The following CIB1 variants were observed in gnomAD, a reference collection of about 807,000 sequenced individuals.
The protein encoded by CIB1 is calcium and integrin-binding protein 1.
In CIB1, 19 loss-of-function variants were observed where a neutral mutation model predicts 25.0. The observed-to-expected ratio is 0.76, with a 90% CI of 0.53 to 1.12. The LOEUF (loss-of-function observed/expected upper bound fraction) is 1.12, where lower values mean the gene tolerates loss of function less well. Ranked by LOEUF, CIB1 falls within the 50% of genes most tolerant of loss-of-function variation. CIB1 has a pLI of 0.00. For missense variants in CIB1, 236 were observed against 242.6 expected (o/e 0.97, Z 0.18); for synonymous variants, 104 against 98.5 (o/e 1.06, Z -0.33).
At chr15:90,256,554 TTTCTTTC>T in the CIB1 span, among the ~76,000 whole-genome samples, 1 of 32,558 alleles carries the variant, frequency 3.1e-5, no homozygotes, top group East Asian at 8.6e-4. Context: ...TTTTTCTTTC[TTTCTTTC>T]TTTCTTTCTT....
chr15:90,245,064 T>C, the CIB1 span: 1 of 152,262 alleles, frequency 6.6e-6, no homozygotes, highest in African/African-American at 2.4e-5. Context: ...TGGCTCCCTA[T>C]ACCTAGGCCT....
At chr15:90,261,451 A>C in the CIB1 span, among the ~76,000 whole-genome samples, 2 of 151,886 alleles carry the variant, frequency 1.3e-5, no homozygotes, top group Admixed American at 1.3e-4. Flanking sequence ...AAACCTAAAA[A>C]ACTATGATAA....
At chr15:90,259,147 G>A in the CIB1 span, 1 of 1,043,878 alleles carries the variant, frequency 9.6e-7, no homozygotes, top group Non-Finnish European at 1.3e-6. Context: ...AGGATTGCTT[G>A]AGCCCTAGAG....
At chr15:90,257,894 C>A in the CIB1 span, 2 of 938,246 alleles carry the variant, frequency 2.1e-6, no homozygotes, top group Non-Finnish European at 3.2e-6. Flanking sequence ...CAAACCTCAC[C>A]CTGATAACTA....
At chr15:90,242,253 CTTTTTTTTTTTTTTT>C in the CIB1 span, 2 of 89,310 alleles carry the variant, frequency 2.2e-5, no homozygotes, top group South Asian at 3.6e-4. Flanking sequence ...ACACACCTGG[CTTTTTTTTTTTTTTT>C]TTTTTTTTTT....
Position 90,230,965 on chromosome 15 carries a change from G to A in CIB1, c.523C>T (p.His175Tyr). Residue 175 changes from histidine (H) to tyrosine (Y), a missense_variant, in exon 6 of 7, where the codon CAC becomes TAC. His to Tyr is a moderately conservative substitution (Grantham distance 83, BLOSUM62 2). Transcript: ENST00000328649. ...DGTINLSEFQ[H>Y]VISRSPDFAS... ...AAGTCTGGAGAACGGGAGATGACGT[G>A]CTGGAACTCAGAGAGGTTGATGGTT... 6.2e-7 allele frequency: 1 copy of A among 1,614,114 alleles called. No homozygotes were observed. Among genetic ancestry groups the A allele is most frequent in the South Asian group, 1.1e-5 (1 of 91,082 alleles).
chr15:90,236,629 G>T (rs984143617), upstream of CIB1, among the ~76,000 whole-genome samples: 1 of 150,666 alleles, frequency 6.6e-6, no homozygotes, highest in Admixed American at 6.6e-5. Flanking sequence ...TGCCTCCCAG[G>T]TTCACCTGAT....
At chr15:90,262,995 G>T in the CIB1 span, 2 of 1,536,066 alleles carry the variant, frequency 1.3e-6, no homozygotes, top group Middle Eastern at 1.7e-4. Context: ...ACACCATGAG[G>T]CCTCAAGAAA....
the CIB1 span, among the ~76,000 whole-genome samples, chr15:90,256,549 CTT>C: frequency 1.6e-4 from 4 of 24,468 alleles, no homozygotes; most frequent in South Asian, 2.0e-3. Context: ...CTTCCTTTTT[CTT>C]TCTTTCTTTC....
chr15:90,256,876 C>T, the CIB1 span, among the ~76,000 whole-genome samples: 54 of 151,806 alleles, frequency 3.6e-4, no homozygotes, highest in South Asian at 6.2e-4. Flanking sequence ...TTAGTAGAGA[C>T]GGGGTTTCAC....
chr15:90,255,630 A>T, the CIB1 span: 3 of 1,388,934 alleles, frequency 2.2e-6, no homozygotes, highest in Non-Finnish European at 3.0e-6. Flanking sequence ...TCCTTGGTGC[A>T]GTGCTTACCT....
At chr15:90,232,089 A>G (rs1017321046) in intron 3 of CIB1, 130 bp downstream of exon 3, 43 of 712,864 alleles carry the variant, frequency 6.0e-5, no homozygotes, top group Middle Eastern at 7.7e-4. Flanking sequence ...AGAAAATCAG[A>G]ACTAAGCAGA....
intron 2 of CIB1, 177 bp from the exon 3 acceptor site, chr15:90,232,504 TAG>T (rs1392921743): frequency 1.0e-6 from 1 of 973,050 alleles, no homozygotes. Flanking sequence ...CAGTACAGCC[TAG>T]GAGTCTATTC....
upstream of CIB1, chr15:90,238,589 A>ATAG (rs1193082877): frequency 1.3e-5 from 2 of 152,128 alleles, no homozygotes; most frequent in African/African-American, 4.8e-5. Context: ...CCAGTGGCAG[A>ATAG]CCCCTCTCCC....
chr15:90,259,799 G>T, the CIB1 span, among the ~76,000 whole-genome samples: 1 of 152,230 alleles, frequency 6.6e-6, no homozygotes, highest in Non-Finnish European at 1.5e-5. Context: ...TTACATCCGT[G>T]TTGGTCACCC....
At chr15:90,252,616 A>C in the CIB1 span, among the ~76,000 whole-genome samples, 1 of 152,178 alleles carries the variant, frequency 6.6e-6, no homozygotes, top group Non-Finnish European at 1.5e-5. Context: ...GCATCTTTAT[A>C]AGGAACCACA....
chr15:90,236,624 C>A (rs1355074791), upstream of CIB1, among the ~76,000 whole-genome samples: 2 of 152,006 alleles, frequency 1.3e-5, no homozygotes, highest in Non-Finnish European at 2.9e-5. Flanking sequence ...ACCTCTGCCT[C>A]CCAGGTTCAC....
the CIB1 span, chr15:90,258,686 G>A: frequency 1.4e-6 from 2 of 1,430,940 alleles, no homozygotes; most frequent in South Asian, 2.3e-5. Context: ...GCCTGCAAGA[G>A]GCCACCACCT....
chr15:90,239,629 G>A, the CIB1 span, among the ~76,000 whole-genome samples: 1 of 152,100 alleles, frequency 6.6e-6, no homozygotes, highest in Non-Finnish European at 1.5e-5. Flanking sequence ...ACTTTCCACC[G>A]GGCCCCTCCC....
Sources: gnomAD v4.1 joint callset for allele counts (sites outside exome capture counted in the v4.1 genomes callset) on GRCh38, gnomAD v4.1.1 for gene constraint, MANE v1.5 for transcripts, NCBI Gene and HGNC (gene_info 2026-07-23, HGNC 2026-07-21) for gene names.